GABRB2: variants seen among roughly 807,000 people sequenced by gnomAD.
GABRB2 encodes gamma-aminobutyric acid receptor subunit beta-2.
A neutral mutation model predicts 54.7 loss-of-function variants in GABRB2; 16 were observed. The ratio of observed to expected loss-of-function variants is 0.29; its 90% CI spans 0.20 to 0.44. The LOEUF (loss-of-function observed/expected upper bound fraction) is 0.44, where lower values mean the gene tolerates loss of function less well. GABRB2 is among the 20% of genes least tolerant of loss of function. The probability of loss-of-function intolerance (pLI) is 1.00; values close to 1 mark genes in which losing one functional copy is unlikely to be tolerated. For missense variants in GABRB2, 355 were observed against 644.0 expected (o/e 0.55, Z 4.86); for synonymous variants, 244 against 233.8 (o/e 1.04, Z -0.40).
At chr5:161,507,186 G>A (rs1476958127) in intron 3 of GABRB2, among the ~76,000 whole-genome samples, 1 of 152,062 alleles carries the variant, frequency 6.6e-6, no homozygotes, top group Non-Finnish European at 1.5e-5. Flanking sequence ...GGAAATGGGA[G>A]TCATGACAAA....
chr5:161,539,446 C>T (rs2113473347), intron 3 of GABRB2, among the ~76,000 whole-genome samples: 1 of 152,290 alleles, frequency 6.6e-6, no homozygotes, highest in Non-Finnish European at 1.5e-5. Context: ...GCATTTTCCT[C>T]ATGATTTTCT....
chr5:161,442,746 A>T (rs944037897), intron 4 of GABRB2, among the ~76,000 whole-genome samples: 5 of 151,122 alleles, frequency 3.3e-5, no homozygotes, highest in African/African-American at 4.9e-5. Flanking sequence ...TTCCCTTTTC[A>T]ATTCTCTCTC....
intron 3 of GABRB2, among the ~76,000 whole-genome samples, chr5:161,499,749 C>T (rs532673592): frequency 1.4e-4 from 22 of 152,140 alleles, no homozygotes; most frequent in Non-Finnish European, 2.4e-4. Context: ...AAAGGTCAAG[C>T]GTTCTGTCAT....
At chr5:161,405,968 G>A (rs1756337839) in intron 5 of GABRB2, among the ~76,000 whole-genome samples, 1 of 151,978 alleles carries the variant, frequency 6.6e-6, no homozygotes, top group Admixed American at 6.6e-5. Flanking sequence ...TAACACAACA[G>A]GCACATTTCT....
intron 3 of GABRB2, among the ~76,000 whole-genome samples, chr5:161,542,609 C>T (rs907319977): frequency 6.6e-6 from 1 of 152,172 alleles, no homozygotes. Flanking sequence ...ATCACACTGA[C>T]ATGGACATTT....
chr5:161,402,667 C>CT (rs1756231526), intron 5 of GABRB2, among the ~76,000 whole-genome samples: 1 of 152,186 alleles, frequency 6.6e-6, no homozygotes, highest in Admixed American at 6.5e-5. Flanking sequence ...AGAGCAGTGA[C>CT]TTTCAAGCTG....
At position 161,298,008 on chromosome 5, in the gene GABRB2, T is replaced by C. The variant is rs1248622133; in HGVS notation, c.1192-3580A>G. On this transcript the variant is annotated intron_variant, in intron 9 of 9. Transcript: ENST00000393959. ...CCTGAGATGGTATCTCATTGTGGTT[T>C]TGATTTGCATTTCTCTAATGACCAG... Among the ~76,000 whole-genome samples the C allele has an allele frequency of 3.9e-5, 6 of 152,360 alleles. No individual in the cohort carries two copies. In the East Asian group the frequency reaches 9.6e-4, roughly 24 times the overall value.
intron 9 of GABRB2, among the ~76,000 whole-genome samples, chr5:161,310,309 A>AAAAT (rs1757823266): frequency 1.3e-5 from 2 of 152,208 alleles, no homozygotes; most frequent in African/African-American, 2.4e-5. Flanking sequence ...CCCTGAACTT[A>AAAAT]AAATAGAAGT....
intron 4 of GABRB2, among the ~76,000 whole-genome samples, chr5:161,453,436 G>T (rs1348317140): frequency 6.6e-6 from 1 of 152,128 alleles, no homozygotes; most frequent in African/African-American, 2.4e-5. Flanking sequence ...GGTCTTGAGG[G>T]CAGGATCTAA....
At chr5:161,512,012 C>A (rs1158960697) in intron 3 of GABRB2, among the ~76,000 whole-genome samples, 3 of 144,444 alleles carry the variant, frequency 2.1e-5, no homozygotes, top group African/African-American at 7.3e-5. Flanking sequence ...AATTCATTTT[C>A]AAACAGCATA....
At chr5:161,380,411 C>G (rs897382777) in intron 5 of GABRB2, among the ~76,000 whole-genome samples, 1 of 152,104 alleles carries the variant, frequency 6.6e-6, no homozygotes, top group Admixed American at 6.6e-5. Flanking sequence ...ATGGACTTTA[C>G]AATTTTCTTT....
intron 9 of GABRB2, among the ~76,000 whole-genome samples, chr5:161,300,952 T>C (rs1757522148): frequency 6.6e-6 from 1 of 152,200 alleles, no homozygotes; most frequent in Non-Finnish European, 1.5e-5. Context: ...TTATTGAGTA[T>C]TTACTGGAGG....
intron 5 of GABRB2, among the ~76,000 whole-genome samples, chr5:161,367,513 A>G (rs1580922560): frequency 6.6e-6 from 1 of 152,172 alleles, no homozygotes; most frequent in African/African-American, 2.4e-5. Flanking sequence ...TTTTTTCTCT[A>G]AAAGCAGAGA....
intron 3 of GABRB2, among the ~76,000 whole-genome samples, chr5:161,526,148 G>T (rs1760271815): frequency 6.6e-6 from 1 of 151,292 alleles, no homozygotes; most frequent in Non-Finnish European, 1.5e-5. Context: ...GATAATTTCT[G>T]GAAATCTTGA....
chr5:161,492,853 T>C (rs1035300690), intron 3 of GABRB2, among the ~76,000 whole-genome samples: 2 of 151,740 alleles, frequency 1.3e-5, no homozygotes, highest in African/African-American at 4.8e-5. Flanking sequence ...TACATGTGAG[T>C]TTACTTTACT....
At chr5:161,535,644 A>T (rs1256018873) in intron 3 of GABRB2, among the ~76,000 whole-genome samples, 1 of 152,184 alleles carries the variant, frequency 6.6e-6, no homozygotes, top group Non-Finnish European at 1.5e-5. Flanking sequence ...CCCCTTTTTA[A>T]ATAGGCTAAT....
At chr5:161,451,521 T>C (rs1757786535) in intron 4 of GABRB2, among the ~76,000 whole-genome samples, 1 of 152,190 alleles carries the variant, frequency 6.6e-6, no homozygotes, top group Non-Finnish European at 1.5e-5. Flanking sequence ...TATAAGATTA[T>C]AAATTGTGTC....
chr5:161,499,237 A>C (rs941678582), intron 3 of GABRB2, among the ~76,000 whole-genome samples: 1 of 152,160 alleles, frequency 6.6e-6, no homozygotes, highest in Non-Finnish European at 1.5e-5. Context: ...TCAAAATAGA[A>C]AAATAAGTAT....
At chr5:161,417,258 C>G (rs572409138) in intron 4 of GABRB2, among the ~76,000 whole-genome samples, 1 of 152,308 alleles carries the variant, frequency 6.6e-6, no homozygotes, top group South Asian at 2.1e-4. Context: ...CTTTGGCACT[C>G]TCACTAATAA....
Sources: allele counts gnomAD v4.1 joint callset (sites outside exome capture counted in the v4.1 genomes callset), GRCh38; gene constraint gnomAD v4.1.1; transcripts MANE v1.5; gene names NCBI Gene and HGNC (gene_info 2026-07-23, HGNC 2026-07-21).